SPAG9: variants seen among roughly 807,000 people sequenced by gnomAD.
SPAG9 encodes sperm associated antigen 9, also known as C-Jun-amino-terminal kinase-interacting protein 4.
Under a neutral mutation model 166.5 loss-of-function variants are expected in SPAG9, and 35 were observed. That is an observed-to-expected ratio of 0.21 (90% CI 0.16 to 0.28). The LOEUF (loss-of-function observed/expected upper bound fraction) is 0.28, where lower values mean the gene tolerates loss of function less well. SPAG9 is among the 10% of genes least tolerant of loss of function. SPAG9 has a pLI of 1.00. For synonymous variants in SPAG9, 534 were observed against 565.5 expected (o/e 0.94, Z 0.79); for missense variants, 1,235 against 1,603.3 (o/e 0.77, Z 3.92).
chr17:51,006,668 G>A (rs113855657), intron 10 of SPAG9, among the ~76,000 whole-genome samples: 1 of 152,148 alleles, frequency 6.6e-6, no homozygotes, highest in African/African-American at 2.4e-5. Context: ...TGGGTATAGT[G>A]GGCATAGGAC....
chr17:51,049,164 G>C (rs967001800), intron 3 of SPAG9, among the ~76,000 whole-genome samples: 5 of 151,898 alleles, frequency 3.3e-5, no homozygotes, highest in Admixed American at 6.6e-5. Context: ...CTTGAGGCCA[G>C]GAATTTGAGA....
In SPAG9 at chr17:50,977,157, C is replaced by A. The variant is rs749954248; in HGVS notation, c.3474G>T (p.Leu1158Phe). The A allele has an allele frequency of 9.9e-6, 16 of 1,613,810 alleles. No homozygotes were observed. In the Admixed American group the frequency reaches 2.7e-4, roughly 27 times the overall value. ...TGACACCATTTCCTGTCCCCACCCA[C>A]AAACGATTACAAGACACCATAAGAG... ...ITALMVSCNR[L>F]WVGTGNGVII... Residue 1158 changes from leucine to phenylalanine, a missense_variant, in exon 27 of 30, where the codon TTG becomes TTT. Leu to Phe is a conservative substitution (Grantham distance 22). This residue lies in a region of SPAG9 where 243 missense variants were observed against 358.6 expected (regional missense o/e 0.68). Coordinates refer to ENST00000262013, the MANE Select transcript of SPAG9 (RefSeq NM_001130528.3).
At chr17:51,094,768 G>A (rs1467701477) in intron 1 of SPAG9, among the ~76,000 whole-genome samples, 1 of 152,100 alleles carries the variant, frequency 6.6e-6, no homozygotes, top group African/African-American at 2.4e-5. Flanking sequence ...TATCTCTTAA[G>A]TCTCTTTTAA....
At chr17:51,073,257 G>A (rs1233614474) in intron 2 of SPAG9, among the ~76,000 whole-genome samples, 1 of 152,002 alleles carries the variant, frequency 6.6e-6, no homozygotes, top group Non-Finnish European at 1.5e-5. Flanking sequence ...GAACCCAGGA[G>A]GCGGAGCTTG....
chr17:51,098,194 C>T (rs1316773243), intron 1 of SPAG9, among the ~76,000 whole-genome samples: 1 of 151,960 alleles, frequency 6.6e-6, no homozygotes, highest in African/African-American at 2.4e-5. Flanking sequence ...GAGAATGTGC[C>T]AGTGTTGTAA....
chr17:51,039,103 T>A (rs2144372457), intron 5 of SPAG9, among the ~76,000 whole-genome samples: 1 of 152,292 alleles, frequency 6.6e-6, no homozygotes, highest in African/African-American at 2.4e-5. Context: ...TCACAGGAAA[T>A]TTTCACCTTA....
intron 5 of SPAG9, among the ~76,000 whole-genome samples, chr17:51,040,878 T>C (rs1047777727): frequency 6.6e-6 from 1 of 152,230 alleles, no homozygotes; most frequent in Admixed American, 6.5e-5. Flanking sequence ...GATGAATATT[T>C]CATTTTAAAA....
At chr17:51,098,335 T>C (rs568748639) in intron 1 of SPAG9, among the ~76,000 whole-genome samples, 2 of 150,230 alleles carry the variant, frequency 1.3e-5, no homozygotes, top group African/African-American at 2.4e-5. Context: ...GTTTTTTTTT[T>C]CCACTCTTAA....
At position 51,093,036 on chromosome 17, in the gene SPAG9, T is replaced by C. The variant is rs1221045654; in HGVS notation, c.304-13332A>G. On this transcript the variant is annotated intron_variant, in intron 1 of 29. Transcript: ENST00000262013. ...ATGGGAGTTCAAATATATTCTACTA[T>C]TCTCGGTAATCATCAATGTTTAGAT... 2.0e-5 allele frequency among the ~76,000 whole-genome samples: 3 copies of C among 149,450 alleles called. No individual in the cohort carries two copies. In the East Asian group the frequency reaches 5.9e-4, roughly 30 times the overall value.
chr17:51,050,580 CA>C (rs2047151839), intron 3 of SPAG9, among the ~76,000 whole-genome samples: 1 of 152,100 alleles, frequency 6.6e-6, no homozygotes, highest in African/African-American at 2.4e-5. Flanking sequence ...TCCTCATACC[CA>C]CAAGAAAATC....
At chr17:51,073,048 G>A (rs1040258498) in intron 2 of SPAG9, among the ~76,000 whole-genome samples, 6 of 151,972 alleles carry the variant, frequency 3.9e-5, no homozygotes, top group East Asian at 1.9e-4. Flanking sequence ...AACTTCAGCC[G>A]GGCGCGGTGG....
chr17:51,085,895 T>C (rs1050603247), intron 1 of SPAG9, among the ~76,000 whole-genome samples: 3 of 151,960 alleles, frequency 2.0e-5, no homozygotes, highest in South Asian at 2.1e-4. Flanking sequence ...GGAGGATTTT[T>C]CCCCATTTAT....
intron 27 of SPAG9, among the ~76,000 whole-genome samples, chr17:50,975,706 AAC>A (rs1567953162): frequency 6.6e-6 from 1 of 152,110 alleles, no homozygotes; most frequent in Non-Finnish European, 1.5e-5. Flanking sequence ...CCATGTAACA[AAC>A]ATTAAAAAAA....
rs188862088 is a variant in SPAG9 at position 51,111,425 on chromosome 17, T to C, written c.303+8929A>G. On this transcript the variant is annotated intron_variant, in intron 1 of 29. Transcript: ENST00000262013. ...ACAACATAAGTAAGCAGCATGTAGTTAAAGGTAAGGTAAAGATTTCAAGAA... is the reference window on the plus strand; with the variant it reads ...ACAACATAAGTAAGCAGCATGTAGTCAAAGGTAAGGTAAAGATTTCAAGAA... Among the ~76,000 whole-genome samples, 5 of 152,206 alleles carry C rather than the reference T, an allele frequency of 3.3e-5. No individual in the cohort carries two copies. In the East Asian group the frequency reaches 9.7e-4, roughly 29 times the overall value.
At chr17:51,053,234 T>A (rs1319486004) in intron 3 of SPAG9, among the ~76,000 whole-genome samples, 1 of 150,978 alleles carries the variant, frequency 6.6e-6, no homozygotes, top group Non-Finnish European at 1.5e-5. Flanking sequence ...ATTATAAATT[T>A]ATCAATTATA....
At chr17:51,076,930 G>A (rs549828492) in intron 2 of SPAG9, among the ~76,000 whole-genome samples, 3 of 151,850 alleles carry the variant, frequency 2.0e-5, no homozygotes, top group African/African-American at 7.3e-5. Flanking sequence ...AAGCCCAGAA[G>A]TGCGAGACCA....
At chr17:51,031,660 G>A in intron 6 of SPAG9, 21 bp downstream of exon 6, 1 of 1,545,128 alleles carries the variant, frequency 6.5e-7, no homozygotes, top group Non-Finnish European at 8.8e-7. Flanking sequence ...TTTGCAAAAT[G>A]TTAAGAAGCA....
intron 1 of SPAG9, among the ~76,000 whole-genome samples, chr17:51,096,809 G>A (rs921254295): frequency 3.3e-5 from 5 of 152,194 alleles, no homozygotes; most frequent in Non-Finnish European, 5.9e-5. Flanking sequence ...GTGTGATATC[G>A]TGAAATACGT....
chr17:51,046,684 C>T, intron 4 of SPAG9: 3 of 1,535,904 alleles, frequency 2.0e-6, no homozygotes, highest in Non-Finnish European at 2.6e-6. Context: ...CATGGTGAAA[C>T]ACCCGAACCA....
Sources: allele counts gnomAD v4.1 joint callset (sites outside exome capture counted in the v4.1 genomes callset), GRCh38; gene constraint gnomAD v4.1.1; regional missense constraint gnomAD v4.1.1; transcripts MANE v1.5; gene names NCBI Gene and HGNC (gene_info 2026-07-23, HGNC 2026-07-21).